The following CELF2 variants were observed in gnomAD, a reference collection of about 807,000 sequenced individuals.
CELF2 encodes CUGBP Elav-like family member 2, also known as CUG triplet repeat RNA-binding protein 2.
A neutral mutation model predicts 62.6 loss-of-function variants in CELF2; 8 were observed. That is an observed-to-expected ratio of 0.13 (90% CI 0.07 to 0.23). The LOEUF is 0.23. Among genes scored for constraint, CELF2 ranks in the 10% least tolerant of loss-of-function variants. CELF2 has a pLI of 1.00. For synonymous variants in CELF2, 258 were observed against 250.0 expected (o/e 1.03, Z -0.30); for missense variants, 333 against 671.0 (o/e 0.50, Z 5.56).
intron 1 of CELF2, among the ~76,000 whole-genome samples, chr10:11,152,843 C>T (rs1316989059): frequency 6.6e-6 from 1 of 152,200 alleles, no homozygotes; most frequent in Non-Finnish European, 1.5e-5. Flanking sequence ...GCAAGGATGG[C>T]TGTGGACTCT....
the CELF2 span, among the ~76,000 whole-genome samples, chr10:10,577,071 A>G: frequency 6.6e-6 from 1 of 152,202 alleles, no homozygotes; most frequent in African/African-American, 2.4e-5. Context: ...TGACAGGCAG[A>G]ATTTGTATCT....
chr10:10,712,464 C>T, the CELF2 span, among the ~76,000 whole-genome samples: 67 of 152,248 alleles, frequency 4.4e-4, no homozygotes, highest in East Asian at 7.3e-3. Context: ...CTCTAATGGA[C>T]CCTCTTTTTT....
intron 9 of CELF2, among the ~76,000 whole-genome samples, chr10:11,310,648 CAT>C (rs1228897542): frequency 1.3e-5 from 2 of 151,764 alleles, no homozygotes; most frequent in East Asian, 1.9e-4. Flanking sequence ...AGAATTCAAA[CAT>C]GTGCGAGGGA....
intron 1 of CELF2, among the ~76,000 whole-genome samples, chr10:10,904,710 G>A (rs1463015791): frequency 6.6e-6 from 1 of 152,064 alleles, no homozygotes; most frequent in African/African-American, 2.4e-5. Flanking sequence ...ACTTGGGGAG[G>A]GTTTAAACTG....
the CELF2 span, among the ~76,000 whole-genome samples, chr10:10,473,410 G>T: frequency 2.6e-5 from 4 of 152,138 alleles, no homozygotes; most frequent in South Asian, 8.3e-4. Context: ...CTTCTGGCCT[G>T]TAGAACTGCG....
intron 5 of CELF2, among the ~76,000 whole-genome samples, chr10:11,263,729 G>A (rs1246343837): frequency 6.6e-6 from 1 of 152,218 alleles, no homozygotes; most frequent in Non-Finnish European, 1.5e-5. Context: ...TCCTGTGTTA[G>A]TATAAAGCCA....
the CELF2 span, among the ~76,000 whole-genome samples, chr10:10,574,662 C>A: frequency 6.6e-6 from 1 of 152,022 alleles, no homozygotes; most frequent in East Asian, 1.9e-4. Context: ...GTACAAACAA[C>A]CCAAACATTG....
chr10:10,962,748 A>C (rs780515976), intron 2 of CELF2, among the ~76,000 whole-genome samples: 11 of 152,186 alleles, frequency 7.2e-5, no homozygotes, highest in Non-Finnish European at 1.6e-4. Context: ...TGTCTTTTTC[A>C]GCAACTAAAG....
rs887669910 is a variant in CELF2 at position 11,296,383 on chromosome 10, A to G, written c.976+7831A>G. ...TGAGCTCAGGCTGTGTTTTCTGTCC[A>G]GCCACTTAATGAGATTTTTTATTCT... On this transcript the variant is annotated intron_variant, in intron 9 of 12. Coordinates refer to ENST00000633077, the MANE Select transcript of CELF2 (RefSeq NM_001326342.2). The surrounding 1 kb of genome is among the most constrained non-coding windows in gnomAD (Gnocchi z 5.0). 6.6e-6 allele frequency among the ~76,000 whole-genome samples: 1 copy of G among 152,156 alleles called. No homozygotes were observed. Among genetic ancestry groups the G allele is most frequent in the African/African-American group, 2.4e-5 (1 of 41,426 alleles).
intron 1 of CELF2, among the ~76,000 whole-genome samples, chr10:11,025,523 C>T (rs1161281213): frequency 6.6e-6 from 1 of 152,104 alleles, no homozygotes; most frequent in Non-Finnish European, 1.5e-5. Context: ...TTCCCCTTCC[C>T]TTTCTGCCGT....
chr10:10,580,952 C>T, the CELF2 span, among the ~76,000 whole-genome samples: 3 of 152,134 alleles, frequency 2.0e-5, no homozygotes, highest in African/African-American at 7.2e-5. Flanking sequence ...ATAAATTTCT[C>T]TTTCTTGTCC....
At chr10:10,970,351 G>C (rs992846636) in intron 2 of CELF2, among the ~76,000 whole-genome samples, 9 of 152,204 alleles carry the variant, frequency 5.9e-5, no homozygotes, top group African/African-American at 2.2e-4. Flanking sequence ...ACAGGTGTAA[G>C]CCACCAAGCC....
At chr10:10,848,340 C>T (rs2059146756) in intron 1 of CELF2, among the ~76,000 whole-genome samples, 1 of 152,132 alleles carries the variant, frequency 6.6e-6, no homozygotes, top group Non-Finnish European at 1.5e-5. Flanking sequence ...TGTACTTCAG[C>T]CTTGAAAAAT....
At position 10,997,651 on chromosome 10, in the gene CELF2, T is replaced by C. The variant is rs1299619322; in HGVS notation, c.89+77652T>C. Among the ~76,000 whole-genome samples, 5 of 152,202 alleles carry C rather than the reference T, an allele frequency of 3.3e-5. No homozygotes were observed. The highest frequency in any genetic ancestry group is 7.4e-5 in the Non-Finnish European group (5 of 68,026). On this transcript the variant is annotated intron_variant, in intron 2 of 13. Coordinates refer to the CELF2 transcript ENST00000636488. The surrounding 1 kb of genome is among the most constrained non-coding windows in gnomAD (Gnocchi z 5.3). The stretch of plus-strand genomic sequence containing the variant: ...AAAGGGAGTTGCTTGTGCCTTTGCT[T>C]CCTCTAAAAATAGCAAGAATAAATT...
chr10:10,696,447 T>C, the CELF2 span, among the ~76,000 whole-genome samples: 1 of 151,822 alleles, frequency 6.6e-6, no homozygotes, highest in Non-Finnish European at 1.5e-5. Flanking sequence ...AGGTTACTGC[T>C]GTCTTTTTGT....
the CELF2 span, among the ~76,000 whole-genome samples, chr10:10,665,982 G>A: frequency 6.6e-6 from 1 of 152,166 alleles, no homozygotes; most frequent in Admixed American, 6.5e-5. Flanking sequence ...CCGGTGATAC[G>A]AAGAGTCAGG....
At chr10:10,625,153 A>T in the CELF2 span, among the ~76,000 whole-genome samples, 1 of 151,530 alleles carries the variant, frequency 6.6e-6, no homozygotes, top group Non-Finnish European at 1.5e-5. Context: ...GTGTAAAAAC[A>T]TAGGGAAGGT....
intron 1 of CELF2, among the ~76,000 whole-genome samples, chr10:10,824,733 A>C (rs2057246501): frequency 6.6e-6 from 1 of 152,266 alleles, no homozygotes; most frequent in Non-Finnish European, 1.5e-5. Context: ...TTGCAGCCAG[A>C]GGTCAGCTCA....
chr10:10,487,665 A>T, the CELF2 span, among the ~76,000 whole-genome samples: 1 of 152,190 alleles, frequency 6.6e-6, no homozygotes, highest in Non-Finnish European at 1.5e-5. Flanking sequence ...ATTTGAGAAG[A>T]TGTTGAAATT....
Sources: gnomAD v4.1 joint callset for allele counts (sites outside exome capture counted in the v4.1 genomes callset) on GRCh38, gnomAD v4.1.1 for gene constraint, Gnocchi (gnomAD v3.1) non-coding constraint, MANE v1.5 for transcripts, NCBI Gene and HGNC (gene_info 2026-07-23, HGNC 2026-07-21) for gene names.